ATL3: variants seen among roughly 807,000 people sequenced by gnomAD.
ATL3 encodes atlastin GTPase 3.
A neutral mutation model predicts 69.5 loss-of-function variants in ATL3; 49 were observed. The observed-to-expected ratio is 0.71, with a 90% CI of 0.56 to 0.89. The LOEUF (loss-of-function observed/expected upper bound fraction) is 0.89. ATL3 is among the 40% of genes least tolerant of loss of function. ATL3 has a pLI of 0.00. For synonymous variants in ATL3, 214 were observed against 224.1 expected (o/e 0.95, Z 0.40); for missense variants, 606 against 645.7 (o/e 0.94, Z 0.67).
chr11:63,665,427 C>G (rs1940547111), intron 1 of ATL3, among the ~76,000 whole-genome samples: 1 of 151,550 alleles, frequency 6.6e-6, no homozygotes, highest in Non-Finnish European at 1.5e-5. Context: ...CTACTGAGGA[C>G]AGCTATGGGG....
At chr11:63,639,815 A>AT (rs907498845) in intron 8 of ATL3, among the ~76,000 whole-genome samples, 66 of 152,010 alleles carry the variant, frequency 4.3e-4, no homozygotes, top group Non-Finnish European at 8.1e-4. Context: ...TAAAGTACTT[A>AT]TTTTTTTTAA....
intron 4 of ATL3, 131 bp from the exon 5 acceptor site, chr11:63,652,117 G>C (rs1356961990): frequency 2.8e-6 from 4 of 1,416,586 alleles, no homozygotes; most frequent in Non-Finnish European, 3.7e-6. Context: ...TGTTCAAACA[G>C]CAATATGATC....
At chr11:63,666,490 C>A (rs1940576045) in intron 1 of ATL3, among the ~76,000 whole-genome samples, 1 of 152,116 alleles carries the variant, frequency 6.6e-6, no homozygotes, top group Admixed American at 6.5e-5. Flanking sequence ...GTTCCTGTTC[C>A]AGCCCTGCCA....
intron 12 of ATL3, among the ~76,000 whole-genome samples, chr11:63,629,970 T>C (rs1939251771): frequency 6.6e-6 from 1 of 152,150 alleles, no homozygotes; most frequent in East Asian, 1.9e-4. Flanking sequence ...AAAGATACCA[T>C]CCCTTTCCTA....
intron 4 of ATL3, 142 bp from the exon 5 acceptor site, chr11:63,652,128 T>C: frequency 1.4e-6 from 2 of 1,400,618 alleles, no homozygotes; most frequent in Non-Finnish European, 1.9e-6. Flanking sequence ...CAATATGATC[T>C]GTCTTTTGGA....
intron 1 of ATL3, among the ~76,000 whole-genome samples, chr11:63,659,914 G>A (rs1940370121): frequency 6.6e-6 from 1 of 152,110 alleles, no homozygotes. Flanking sequence ...TCCCACCTGG[G>A]TGACAGATAA....
At chr11:63,639,066 G>A (rs541633342) in intron 8 of ATL3, among the ~76,000 whole-genome samples, 3 of 152,240 alleles carry the variant, frequency 2.0e-5, no homozygotes, top group African/African-American at 7.2e-5. Context: ...AACTGCACAA[G>A]TATATATTTG....
upstream of ATL3, chr11:63,671,396 G>GGGAACGAACCGGGCC: frequency 6.5e-7 from 1 of 1,534,012 alleles, no homozygotes; most frequent in African/African-American, 1.4e-5. Context: ...GGGTGCGGGC[G>GGGAACGAACCGGGCC]GGAACGAACC....
chr11:63,651,054 A>T (rs1940060683), intron 5 of ATL3, among the ~76,000 whole-genome samples: 1 of 152,186 alleles, frequency 6.6e-6, no homozygotes, highest in Non-Finnish European at 1.5e-5. Flanking sequence ...CTTGAATGTC[A>T]GTGGGAGAAG....
rs569525195 is a variant in ATL3 at position 63,641,816 on chromosome 11, T to C, written c.850+1541A>G. ...TTACTGAACTTTAAAAAACTCTGCCTACTCCCTGAATGATAAAAATGAAAA... is the reference window on the plus strand; with the variant it reads ...TTACTGAACTTTAAAAAACTCTGCCCACTCCCTGAATGATAAAAATGAAAA... On this transcript the variant is annotated intron_variant, in intron 8 of 12. Transcript: ENST00000398868. Among the ~76,000 whole-genome samples the C allele has an allele frequency of 3.3e-5, 5 of 152,308 alleles. No individual in the cohort carries two copies. The East Asian group carries it at 7.7e-4, about 24-fold the overall frequency.
At chr11:63,633,752 C>T (rs1257670610) in intron 10 of ATL3, among the ~76,000 whole-genome samples, 4 of 147,688 alleles carry the variant, frequency 2.7e-5, no homozygotes, top group South Asian at 2.2e-4. Flanking sequence ...AAAGGTTGGG[C>T]GTGGTGGCTC....
upstream of ATL3, chr11:63,671,735 C>A: frequency 8.1e-7 from 1 of 1,228,398 alleles, no homozygotes; most frequent in Non-Finnish European, 1.0e-6. Context: ...TCATCTGGGG[C>A]GGGGCTTGGC....
In ATL3 at chr11:63,627,605, C is replaced by G. The variant is rs1340301182; in HGVS notation, c.*1714G>C. On this transcript the variant is annotated 3_prime_UTR_variant, in exon 13 of 13. Transcript: ENST00000398868. ...TAAAATTTACACTCTTACCTCCCTC[C>G]CATAACAAAAGTTAAATTATCTTAG... is the stretch of plus-strand genomic sequence containing the variant. 6.6e-6 allele frequency: 1 copy of G among 152,108 alleles called. No homozygotes were observed. Among genetic ancestry groups the G allele is most frequent in the Non-Finnish European group, 1.5e-5 (1 of 68,002 alleles). 9.4% of individuals were successfully genotyped at this position (152,108 alleles called of 1,614,324 possible).
chr11:63,656,616 C>A (rs1302305136), intron 3 of ATL3, among the ~76,000 whole-genome samples: 1 of 151,594 alleles, frequency 6.6e-6, no homozygotes, highest in Non-Finnish European at 1.5e-5. Context: ...CGCCTGTAGT[C>A]CCAGCTACTC....
chr11:63,649,053 G>A lies in ATL3; in HGVS notation c.562-2490C>T, dbSNP rs575148391. On this transcript the variant is annotated intron_variant, in intron 5 of 12. Transcript: ENST00000398868. ...GCAGAATCACTTGAACTTGGGAGGCGGAGATTGCAGTGAGTGAGCCAAGAT... is the reference window on the plus strand; with the variant it reads ...GCAGAATCACTTGAACTTGGGAGGCAGAGATTGCAGTGAGTGAGCCAAGAT... Among the ~76,000 whole-genome samples, 9 of 151,514 alleles carry A rather than the reference G, an allele frequency of 5.9e-5. No homozygotes were observed. The East Asian group carries it at 1.6e-3, about 26-fold the overall frequency.
chr11:63,649,407 G>C (rs1939996636), intron 5 of ATL3, among the ~76,000 whole-genome samples: 1 of 151,778 alleles, frequency 6.6e-6, no homozygotes. Flanking sequence ...GCCTCCCAAA[G>C]TGCTGGGATT....
intron 10 of ATL3, among the ~76,000 whole-genome samples, chr11:63,634,347 A>G (rs1939445198): frequency 1.3e-5 from 2 of 151,764 alleles, no homozygotes; most frequent in African/African-American, 4.8e-5. Context: ...TCTACTAAAA[A>G]TACAAAGAAA....
chr11:63,649,080 G>A (rs921207007), intron 5 of ATL3, among the ~76,000 whole-genome samples: 10 of 152,038 alleles, frequency 6.6e-5, no homozygotes, highest in East Asian at 1.9e-4. Flanking sequence ...AGCCAAGATC[G>A]TGCCACTGCA....
chr11:63,668,271 A>C (rs1940640153), intron 1 of ATL3, among the ~76,000 whole-genome samples: 1 of 152,220 alleles, frequency 6.6e-6, no homozygotes, highest in African/African-American at 2.4e-5. Context: ...TCTAACTGAC[A>C]AAGCCAGAGA....
Sources: allele counts gnomAD v4.1 joint callset (sites outside exome capture counted in the v4.1 genomes callset), GRCh38; gene constraint gnomAD v4.1.1; transcripts MANE v1.5; gene names NCBI Gene and HGNC (gene_info 2026-07-23, HGNC 2026-07-21).